Variants in OLFM3 observed in about 807,000 individuals in gnomAD.
The protein encoded by OLFM3 is noelin-3.
OLFM3 carries 20 observed loss-of-function variants against 48.6 expected under a neutral mutation model. The observed-to-expected ratio is 0.41, with a 90% CI of 0.29 to 0.60. OLFM3 has a LOEUF of 0.60. OLFM3 is among the 20% of genes least tolerant of loss of function. The pLI is 0.28. For synonymous variants in OLFM3, 222 were observed against 198.1 expected, an observed-to-expected ratio of 1.12 and a Z score of -1.01; for missense variants, 437 against 544.3, an observed-to-expected ratio of 0.80 and a Z score of 1.96.
intron 1 of OLFM3, among the ~76,000 whole-genome samples, chr1:101,879,605 T>C (rs956084779): frequency 6.6e-6 from 1 of 151,846 alleles, no homozygotes; most frequent in Non-Finnish European, 1.5e-5. Context: ...GGCTGGAATA[T>C]TACTAATTCA....
At chr1:101,914,264 A>T (rs1658854398) in intron 1 of OLFM3, among the ~76,000 whole-genome samples, 1 of 152,132 alleles carries the variant, frequency 6.6e-6, no homozygotes, top group African/African-American at 2.4e-5. Context: ...TTGGGTTCCC[A>T]TCTCTTTGCT....
Position 101,996,772 on chromosome 1 carries a change from C to G in OLFM3, c.45G>C (p.Leu15Phe), listed in dbSNP as rs773862577. The change falls in exon 1 of 6, where the codon TTG (leucine) becomes TTC (phenylalanine). Residue 15 changes from leucine (L) to phenylalanine (F), a missense_variant. Transcript: ENST00000370103. ...SNLLNLLLLS[L>F]FAGLDPSKTQ... ...CCTTGGAAGGATCTAATCCGGCAAA[C>G]AAAGACAGCAGCAGGAGGTTGAGAA... The G allele has an allele frequency of 5.6e-6, 9 of 1,614,246 alleles. No individual in the cohort carries two copies. The Admixed American group carries it at 1.2e-4, about 21-fold the overall frequency.
intron 4 of OLFM3, among the ~76,000 whole-genome samples, chr1:101,809,067 A>T (rs1653921446): frequency 6.6e-6 from 1 of 151,706 alleles, no homozygotes; most frequent in African/African-American, 2.4e-5. Flanking sequence ...AAATAAGAGA[A>T]AAAATATGGA....
At chr1:101,877,717 T>G (rs1442041131) in intron 1 of OLFM3, among the ~76,000 whole-genome samples, 4 of 151,870 alleles carry the variant, frequency 2.6e-5, no homozygotes, top group African/African-American at 7.2e-5. Flanking sequence ...GTATGTACGA[T>G]CTTATTAAAA....
chr1:101,988,563 T>C (rs1661313714), intron 1 of OLFM3, among the ~76,000 whole-genome samples: 1 of 152,106 alleles, frequency 6.6e-6, no homozygotes. Context: ...GAAAAATGGA[T>C]CAAAAACATA....
At chr1:101,844,754 G>A (rs140962404) in intron 1 of OLFM3, among the ~76,000 whole-genome samples, 143 of 152,038 alleles carry the variant, frequency 9.4e-4, no homozygotes, top group African/African-American at 3.3e-3. Flanking sequence ...CCTCTTTTAT[G>A]TTTTGAATTT....
intron 1 of OLFM3, among the ~76,000 whole-genome samples, chr1:101,979,824 G>A (rs1468134934): frequency 6.6e-6 from 1 of 152,204 alleles, no homozygotes; most frequent in Non-Finnish European, 1.5e-5. Context: ...GGCTTGTACT[G>A]TGCACCTGGA....
chr1:101,974,547 G>A (rs990301189), intron 1 of OLFM3, among the ~76,000 whole-genome samples: 22 of 152,006 alleles, frequency 1.4e-4, no homozygotes, highest in Non-Finnish European at 2.8e-4. Context: ...TCACTGTGAA[G>A]ATGCTATAAA....
At chr1:101,857,307 T>A (rs531774553) in intron 1 of OLFM3, among the ~76,000 whole-genome samples, 1 of 152,102 alleles carries the variant, frequency 6.6e-6, no homozygotes, top group East Asian at 1.9e-4. Context: ...AACAGACACA[T>A]AGAAATATCT....
At chr1:101,865,032 T>C (rs924432153) in intron 1 of OLFM3, among the ~76,000 whole-genome samples, 1 of 152,220 alleles carries the variant, frequency 6.6e-6, no homozygotes, top group African/African-American at 2.4e-5. Flanking sequence ...TTGCTTTAGC[T>C]TAACTCCTTG....
At chr1:101,817,132 A>G (rs1016883758) in intron 4 of OLFM3, among the ~76,000 whole-genome samples, 3 of 152,100 alleles carry the variant, frequency 2.0e-5, no homozygotes, top group Non-Finnish European at 4.4e-5. Context: ...GCTTCCTCAC[A>G]CTAGCCTTTG....
intron 1 of OLFM3, among the ~76,000 whole-genome samples, chr1:101,976,589 C>T (rs1660958535): frequency 6.6e-6 from 1 of 152,108 alleles, no homozygotes; most frequent in Non-Finnish European, 1.5e-5. Context: ...ATGTACTTCC[C>T]ACAATAATCT....
chr1:101,840,457 G>C (rs966931899), intron 1 of OLFM3, among the ~76,000 whole-genome samples: 6 of 143,694 alleles, frequency 4.2e-5, no homozygotes, highest in Non-Finnish European at 9.0e-5. Context: ...TGTACTGAGA[G>C]AGTCTTATTT....
chr1:101,981,218 C>T (rs1209747198), intron 1 of OLFM3, among the ~76,000 whole-genome samples: 2 of 152,074 alleles, frequency 1.3e-5, no homozygotes, highest in East Asian at 3.9e-4. Context: ...GACCATGCTT[C>T]CTATTTCACC....
intron 1 of OLFM3, among the ~76,000 whole-genome samples, chr1:101,987,523 AAAT>A (rs751777857): frequency 6.6e-6 from 1 of 152,164 alleles, no homozygotes; most frequent in Non-Finnish European, 1.5e-5. Flanking sequence ...GTACATGTAA[AAAT>A]AATGACTGTT....
At chr1:101,942,980 G>C (rs2101061440) in intron 1 of OLFM3, among the ~76,000 whole-genome samples, 1 of 152,128 alleles carries the variant, frequency 6.6e-6, no homozygotes, top group East Asian at 1.9e-4. Context: ...GAATGTCTGA[G>C]CTCAGATGCA....
intron 1 of OLFM3, among the ~76,000 whole-genome samples, chr1:101,993,074 G>A (rs999382981): frequency 6.6e-6 from 1 of 152,130 alleles, no homozygotes; most frequent in African/African-American, 2.4e-5. Context: ...AGACAAGTAT[G>A]ACTCATCTAA....
At chr1:101,829,602 C>A (rs1418188969) in intron 3 of OLFM3, among the ~76,000 whole-genome samples, 2 of 152,206 alleles carry the variant, frequency 1.3e-5, no homozygotes, top group Non-Finnish European at 2.9e-5. Context: ...TCCTCACTAG[C>A]TCCCCACCAG....
At chr1:101,952,617 C>G (rs951635628) in intron 1 of OLFM3, among the ~76,000 whole-genome samples, 1 of 151,656 alleles carries the variant, frequency 6.6e-6, no homozygotes, top group Admixed American at 6.6e-5. Context: ...TAAACATATC[C>G]AAGACAAAAT....
Sources: allele counts gnomAD v4.1 joint callset (sites outside exome capture counted in the v4.1 genomes callset), GRCh38; gene constraint gnomAD v4.1.1; transcripts MANE v1.5; gene names NCBI Gene and HGNC (gene_info 2026-07-23, HGNC 2026-07-21).